Variants in CERT1 observed in about 807,000 individuals in gnomAD.
CERT1 encodes ceramide transfer protein.
A neutral mutation model predicts 87.9 loss-of-function variants in CERT1; 31 were observed. The observed-to-expected ratio is 0.35, with a 90% CI of 0.27 to 0.48. The LOEUF is 0.48. Ranked by LOEUF, CERT1 falls within the 20% of genes least tolerant of loss-of-function variation. The pLI is 0.99. For synonymous variants in CERT1, 289 were observed against 250.9 expected (o/e 1.15, Z -1.44); for missense variants, 487 against 758.0 (o/e 0.64, Z 4.20).
chr5:75,384,413 T>G (rs1761705064), intron 14 of CERT1, among the ~76,000 whole-genome samples: 1 of 152,248 alleles, frequency 6.6e-6, no homozygotes, highest in Non-Finnish European at 1.5e-5. Flanking sequence ...TTGATCTTTA[T>G]CAAGCACTCT....
intron 3 of CERT1, among the ~76,000 whole-genome samples, chr5:75,455,099 T>A (rs1442905617): frequency 6.6e-6 from 1 of 152,188 alleles, no homozygotes; most frequent in East Asian, 1.9e-4. Context: ...CTGAAAAGTA[T>A]GTTCAGCAAA....
At chr5:75,510,995 C>G in intron 1 of CERT1, 117 bp downstream of exon 1, 13 of 1,341,844 alleles carry the variant, frequency 9.7e-6, no homozygotes, top group Non-Finnish European at 1.3e-5. Flanking sequence ...CAGCAACACT[C>G]AGCCTCGCAC....
chr5:75,405,364 T>C (rs927393543), intron 8 of CERT1, among the ~76,000 whole-genome samples: 1 of 152,180 alleles, frequency 6.6e-6, no homozygotes, highest in Non-Finnish European at 1.5e-5. Context: ...CAGGGTTCCA[T>C]ACTTGCTCTA....
At chr5:75,416,243 AG>A (rs1290004996) in intron 7 of CERT1, among the ~76,000 whole-genome samples, 3 of 152,200 alleles carry the variant, frequency 2.0e-5, no homozygotes, top group Non-Finnish European at 4.4e-5. Flanking sequence ...GCATTGGACT[AG>A]AACTTTAAGG....
intron 2 of CERT1, among the ~76,000 whole-genome samples, chr5:75,492,721 A>C (rs1261186635): frequency 1.3e-5 from 2 of 152,202 alleles, no homozygotes; most frequent in Non-Finnish European, 2.9e-5. Context: ...AGTATTTTTT[A>C]TGTATAACAA....
At chr5:75,488,515 T>C (rs1425224410) in intron 2 of CERT1, among the ~76,000 whole-genome samples, 2 of 152,160 alleles carry the variant, frequency 1.3e-5, no homozygotes, top group African/African-American at 4.8e-5. Flanking sequence ...CATATAGTAT[T>C]GCTAAACTGT....
intron 2 of CERT1, among the ~76,000 whole-genome samples, chr5:75,496,053 T>C (rs139003102): frequency 6.6e-6 from 1 of 152,160 alleles, no homozygotes; most frequent in East Asian, 1.9e-4. Flanking sequence ...GTCTCTCAGA[T>C]TGGGAGAAAA....
intron 1 of CERT1, among the ~76,000 whole-genome samples, chr5:75,510,123 T>C (rs1767860615): frequency 6.6e-6 from 1 of 152,190 alleles, no homozygotes; most frequent in South Asian, 2.1e-4. Flanking sequence ...GATTTCTTAA[T>C]AGCCACTGGC....
At chr5:75,400,384 C>T (rs1456990552) in intron 9 of CERT1, 87 bp from the exon 10 acceptor site, 5 of 902,978 alleles carry the variant, frequency 5.5e-6, no homozygotes, top group Non-Finnish European at 7.0e-6. Flanking sequence ...GAACTACCAA[C>T]ATTCACTTAG....
Position 75,399,378 on chromosome 5 carries a change from G to A in CERT1, c.1120C>T (p.Arg374Cys), listed in dbSNP as rs267600691. 4.0e-5 allele frequency: 64 copies of A among 1,612,660 alleles called. No homozygotes were observed. Among genetic ancestry groups the A allele is most frequent in the Non-Finnish European group, 5.3e-5 (62 of 1,178,880 alleles). The change falls in exon 11 of 17, where the codon CGC becomes TGC. Residue 374 changes from arginine (R) to cysteine (C), a missense_variant. This residue lies in a region of CERT1 where 91 missense variants were observed against 86.7 expected (regional missense o/e 1.05). Transcript: ENST00000643780. ...THRFVQKPYSRSSSMSSIDLV... is the reference protein window; with the variant it reads ...THRFVQKPYSCSSSMSSIDLV... ...TCAATGGAAGACATGGAGGAAGAGCGACTATAGGGCTACCAGAGACAGACA... is the reference window on the plus strand; with the variant it reads ...TCAATGGAAGACATGGAGGAAGAGCAACTATAGGGCTACCAGAGACAGACA...
chr5:75,413,645 A>G (rs1346814015), intron 7 of CERT1, among the ~76,000 whole-genome samples: 1 of 151,848 alleles, frequency 6.6e-6, no homozygotes. Flanking sequence ...ACTGTCCCCA[A>G]AATCAAACAA....
intron 2 of CERT1, among the ~76,000 whole-genome samples, chr5:75,493,581 C>T (rs1766909576): frequency 6.6e-6 from 1 of 152,186 alleles, no homozygotes; most frequent in Non-Finnish European, 1.5e-5. Context: ...TTTTTTCTCT[C>T]TGGAAGCATC....
chr5:75,413,022 C>T (rs1376708781), intron 7 of CERT1, among the ~76,000 whole-genome samples: 3 of 152,070 alleles, frequency 2.0e-5, no homozygotes, highest in South Asian at 4.1e-4. Flanking sequence ...AAACATTGTA[C>T]AGCAGCACAA....
In CERT1 at chr5:75,492,442, G is replaced by A. The variant is rs151221622; in HGVS notation, c.231+13540C>T. On this transcript the variant is annotated intron_variant, in intron 2 of 16. Transcript: ENST00000643780. The stretch of plus-strand genomic sequence containing the variant: ...GAGATCTAAAGTGGTTCATTGAAAA[G>A]CTGTGGTTTAGTTGAGCCCAGGAGG... Among the ~76,000 whole-genome samples the A allele has an allele frequency of 2.1e-3, 315 of 152,280 alleles. 1 individual carries two copies. In the East Asian group the frequency reaches 0.027, roughly 13 times the overall value.
In CERT1 at chr5:75,400,109, T is replaced by C. The variant is rs1762409937; in HGVS notation, c.1110+96A>G. Reference sequence around the variant, plus strand: ...ATCGCGCCACTGCACTCCACTCTGGTGACAGAGTGAGACTCCGTCTCAAAT... The same window carrying C: ...ATCGCGCCACTGCACTCCACTCTGGCGACAGAGTGAGACTCCGTCTCAAAT... On this transcript the variant is annotated intron_variant, in intron 10 of 16. Transcript: ENST00000643780. 4 of 900,444 alleles carry C rather than the reference T, an allele frequency of 4.4e-6. No homozygotes were observed. The South Asian group carries it at 6.5e-5, about 15-fold the overall frequency. The allele number at this position is 900,444 out of a possible 1,614,324, so 55.8% of individuals were successfully genotyped here.
intron 14 of CERT1, among the ~76,000 whole-genome samples, chr5:75,383,217 C>T (rs1761657619): frequency 6.6e-6 from 1 of 151,882 alleles, no homozygotes; most frequent in African/African-American, 2.4e-5. Context: ...ATGTGATTTT[C>T]TTGAAAAAAT....
intron 2 of CERT1, among the ~76,000 whole-genome samples, chr5:75,494,061 C>T (rs1766940399): frequency 6.6e-6 from 1 of 152,116 alleles, no homozygotes; most frequent in East Asian, 1.9e-4. Context: ...TGTTGGACAT[C>T]TGAATAATGT....
intron 11 of CERT1, 103 bp from the exon 12 acceptor site, chr5:75,389,790 T>C (rs1761957214): frequency 1.2e-6 from 1 of 825,102 alleles, no homozygotes; most frequent in Admixed American, 2.1e-5. Context: ...GTGCTCTTAG[T>C]AGCTGAGCAA....
intron 2 of CERT1, among the ~76,000 whole-genome samples, chr5:75,500,463 G>A (rs73764921): frequency 0.079 from 12,009 of 151,864 alleles, 571 homozygotes; most frequent in South Asian, 0.17. Context: ...TCTACTTCAC[G>A]CTATTTGAGT....
Sources: allele counts gnomAD v4.1 joint callset (sites outside exome capture counted in the v4.1 genomes callset), GRCh38; gene constraint gnomAD v4.1.1; regional missense constraint gnomAD v4.1.1; transcripts MANE v1.5; gene names NCBI Gene and HGNC (gene_info 2026-07-23, HGNC 2026-07-21).